Variants in AIG1 observed in about 807,000 individuals in gnomAD.
AIG1 encodes the protein androgen induced 1.
In AIG1, 23 loss-of-function variants were observed where a neutral mutation model predicts 31.4. The ratio of observed to expected loss-of-function variants is 0.73; its 90% CI spans 0.53 to 1.04. AIG1 has a LOEUF of 1.04. AIG1 is among the 50% of genes least tolerant of loss of function. The pLI is 0.00. For missense variants in AIG1, 274 were observed against 295.0 expected (o/e 0.93, Z 0.52); for synonymous variants, 100 against 110.5 (o/e 0.90, Z 0.60).
intron 3 of AIG1, among the ~76,000 whole-genome samples, chr6:143,204,110 GC>G: frequency 6.6e-6 from 1 of 152,222 alleles, no homozygotes; most frequent in Admixed American, 6.5e-5. Flanking sequence ...GTTAGAGAGG[GC>G]CCTGTTCCAG....
At chr6:143,285,315 G>A (rs1407456232) in intron 4 of AIG1, among the ~76,000 whole-genome samples, 1 of 150,798 alleles carries the variant, frequency 6.6e-6, no homozygotes, top group Non-Finnish European at 1.5e-5. Context: ...TGTCCATGTG[G>A]ACAAGCATGA....
intron 1 of AIG1, among the ~76,000 whole-genome samples, chr6:143,078,984 G>A (rs1437932568): frequency 6.6e-6 from 1 of 151,968 alleles, no homozygotes; most frequent in Non-Finnish European, 1.5e-5. Flanking sequence ...CCTTTTTATG[G>A]TTTCTGCAGC....
intron 3 of AIG1, among the ~76,000 whole-genome samples, chr6:143,224,969 C>T (rs1237799949): frequency 6.6e-6 from 1 of 152,178 alleles, no homozygotes; most frequent in Non-Finnish European, 1.5e-5. Flanking sequence ...CCATTGCCCG[C>T]TTAATAAAGT....
intron 3 of AIG1, among the ~76,000 whole-genome samples, chr6:143,207,579 T>C (rs985608270): frequency 4.6e-5 from 7 of 151,960 alleles, no homozygotes; most frequent in Non-Finnish European, 1.0e-4. Flanking sequence ...ATAAATACAG[T>C]GTCATCAGCT....
rs1303840550 is a variant in AIG1 at position 143,331,065 on chromosome 6, A to C, written c.516-2217A>C. Among the ~76,000 whole-genome samples, 2 of 152,066 alleles carry C rather than the reference A, an allele frequency of 1.3e-5. No homozygotes were observed. Among genetic ancestry groups the C allele is most frequent in the Non-Finnish European group, 2.9e-5 (2 of 68,016 alleles). On this transcript the variant is annotated intron_variant, in intron 4 of 5. Coordinates refer to ENST00000357847, the MANE Select transcript of AIG1 (RefSeq NM_016108.4). The surrounding 1 kb of genome is among the most constrained non-coding windows in gnomAD (Gnocchi z 4.1). ...AGACTGACCTGGACAGACCTAGAGA[A>C]TGCCTCTTTGCTGTAAGATTGTTCC...
At chr6:143,135,525 G>A (rs1783654111) in intron 1 of AIG1, among the ~76,000 whole-genome samples, 1 of 151,938 alleles carries the variant, frequency 6.6e-6, no homozygotes. Flanking sequence ...TGGCTTTTCT[G>A]GCTGCAGAAA....
chr6:143,110,253 G>A (rs1781153962), intron 1 of AIG1, among the ~76,000 whole-genome samples: 1 of 152,072 alleles, frequency 6.6e-6, no homozygotes, highest in Admixed American at 6.6e-5. Flanking sequence ...TTGATATCTG[G>A]TAATATAAGT....
chr6:143,176,688 G>T (rs1788200217), intron 3 of AIG1, among the ~76,000 whole-genome samples: 1 of 152,236 alleles, frequency 6.6e-6, no homozygotes, highest in Non-Finnish European at 1.5e-5. Context: ...TGAAAAGCTG[G>T]TCTCGCTCCC....
At chr6:143,130,998 G>T (rs1350220580) in intron 1 of AIG1, among the ~76,000 whole-genome samples, 1 of 152,090 alleles carries the variant, frequency 6.6e-6, no homozygotes, top group Non-Finnish European at 1.5e-5. Flanking sequence ...TGTTAGTGTA[G>T]TTACTTCAGC....
chr6:143,071,747 C>T (rs1777296565), intron 1 of AIG1, among the ~76,000 whole-genome samples: 1 of 150,852 alleles, frequency 6.6e-6, no homozygotes. Context: ...TCCCCCTCTT[C>T]CTCCTTCTTC....
rs1798157980 is a variant in AIG1, at chr6:143,292,983, T to G, written c.515+8758T>G. ...TGAAGTTAGATGCTCCTTGTTTAGT[T>G]CCCGTCTTCCTCGGGTCTTTGAGCA... On this transcript the variant is annotated intron_variant, in intron 4 of 5. Coordinates refer to ENST00000357847, the MANE Select transcript of AIG1 (RefSeq NM_016108.4). This position sits in a 1 kb window ranked among gnomAD's most constrained non-coding sequence, Gnocchi z 4.9. Among the ~76,000 whole-genome samples, 1 of 152,212 alleles carries G rather than the reference T, an allele frequency of 6.6e-6. No individual in the cohort carries two copies. The highest frequency in any genetic ancestry group is 6.5e-5 in the Admixed American group (1 of 15,288).
chr6:143,286,393 C>G (rs1797681753), intron 4 of AIG1, among the ~76,000 whole-genome samples: 1 of 152,152 alleles, frequency 6.6e-6, no homozygotes, highest in African/African-American at 2.4e-5. Context: ...TTTACATTAA[C>G]CAGTGAATTC....
chr6:143,108,368 A>G (rs1780982200), intron 1 of AIG1, among the ~76,000 whole-genome samples: 1 of 152,220 alleles, frequency 6.6e-6, no homozygotes. Context: ...ACCAAGTGAA[A>G]AGACTTGGAA....
chr6:143,228,269 G>A (rs1284940244), intron 3 of AIG1, among the ~76,000 whole-genome samples: 1 of 152,232 alleles, frequency 6.6e-6, no homozygotes, highest in African/African-American at 2.4e-5. Context: ...CCAAGGGGCT[G>A]TATTTTGTTT....
At chr6:143,262,025 A>C (rs547563831) in intron 3 of AIG1, among the ~76,000 whole-genome samples, 17 of 152,370 alleles carry the variant, frequency 1.1e-4, no homozygotes, top group Middle Eastern at 3.4e-3. Context: ...GTTGATAAAT[A>C]GAATTGGAAG....
intron 3 of AIG1, among the ~76,000 whole-genome samples, chr6:143,206,589 AG>A (rs1372918024): frequency 6.6e-6 from 1 of 152,194 alleles, no homozygotes; most frequent in Admixed American, 6.5e-5. Context: ...TGTCTACCAT[AG>A]CCTTACAGTG....
At chr6:143,339,545 A>T (rs1777757141) in intron 5 of AIG1, 94 bp from the exon 6 acceptor site, 1 of 1,275,764 alleles carries the variant, frequency 7.8e-7, no homozygotes, top group African/African-American at 1.5e-5. Context: ...AGGGCAGATG[A>T]GTGGATGTGT....
At chr6:143,133,193 A>G (rs1406480054) in intron 1 of AIG1, among the ~76,000 whole-genome samples, 2 of 152,102 alleles carry the variant, frequency 1.3e-5, no homozygotes, top group African/African-American at 4.8e-5. Flanking sequence ...TTTAATAGGC[A>G]TTTAAACTAC....
chr6:143,159,121 G>T (rs1256533363), intron 2 of AIG1, among the ~76,000 whole-genome samples: 1 of 152,216 alleles, frequency 6.6e-6, no homozygotes, highest in Non-Finnish European at 1.5e-5. Context: ...AGATGTGAAA[G>T]AACAGAGAAT....
Sources: allele counts gnomAD v4.1 joint callset (sites outside exome capture counted in the v4.1 genomes callset), GRCh38; gene constraint gnomAD v4.1.1; non-coding constraint Gnocchi (gnomAD v3.1); transcripts MANE v1.5; gene names NCBI Gene and HGNC (gene_info 2026-07-23, HGNC 2026-07-21).